PTPN12: variants seen among roughly 807,000 people sequenced by gnomAD.
The protein encoded by PTPN12 is protein tyrosine phosphatase non-receptor type 12, also known as tyrosine-protein phosphatase non-receptor type 12.
In PTPN12, 29 loss-of-function variants were observed where a neutral mutation model predicts 97.6. The ratio of observed to expected loss-of-function variants is 0.30; its 90% CI spans 0.22 to 0.41. PTPN12 has a LOEUF of 0.41. Ranked by LOEUF, PTPN12 falls within the 10% of genes least tolerant of loss-of-function variation. PTPN12 has a pLI of 1.00. For missense variants in PTPN12, 819 were observed against 926.0 expected, an observed-to-expected ratio of 0.88 and a Z score of 1.50; for synonymous variants, 327 against 300.4, an observed-to-expected ratio of 1.09 and a Z score of -0.91.
At chr7:77,546,321 T>G (rs1807218714) in intron 1 of PTPN12, among the ~76,000 whole-genome samples, 1 of 152,242 alleles carries the variant, frequency 6.6e-6, no homozygotes, top group Non-Finnish European at 1.5e-5. Context: ...TTGTAAAGTT[T>G]GATCTTTAAT....
At chr7:77,624,653 C>A (rs1363576026) in intron 12 of PTPN12, among the ~76,000 whole-genome samples, 1 of 149,436 alleles carries the variant, frequency 6.7e-6, no homozygotes. Flanking sequence ...GTTGGTTAGG[C>A]TGGTCTCAAA....
intron 1 of PTPN12, among the ~76,000 whole-genome samples, chr7:77,543,577 A>G (rs538110125): frequency 2.0e-4 from 31 of 152,286 alleles, no homozygotes; most frequent in Middle Eastern, 3.4e-3. Flanking sequence ...TCTATGATTC[A>G]CTAGTTTTTT....
intron 2 of PTPN12, among the ~76,000 whole-genome samples, chr7:77,571,544 T>C (rs1430593054): frequency 6.6e-6 from 1 of 152,208 alleles, no homozygotes; most frequent in African/African-American, 2.4e-5. Flanking sequence ...ATTTTTCATA[T>C]ATCTATACAT....
chr7:77,630,841 A>C (rs1190986740), intron 13 of PTPN12, among the ~76,000 whole-genome samples: 1 of 152,332 alleles, frequency 6.6e-6, no homozygotes, highest in Non-Finnish European at 1.5e-5. Flanking sequence ...AAAATACGCA[A>C]TATCTGGTTG....
chr7:77,580,301 TGAGTGACA>T (rs1164822546), intron 2 of PTPN12, among the ~76,000 whole-genome samples: 1 of 152,222 alleles, frequency 6.6e-6, no homozygotes, highest in African/African-American at 2.4e-5. Flanking sequence ...CACTTCAGCC[TGAGTGACA>T]GAGTGAGACC....
chr7:77,572,876 A>G (rs1282693227), intron 2 of PTPN12, among the ~76,000 whole-genome samples: 1 of 152,104 alleles, frequency 6.6e-6, no homozygotes, highest in Admixed American at 6.6e-5. Context: ...CGAGGTCAGG[A>G]GTTCGCGACC....
At chr7:77,591,028 G>C (rs897121986) in intron 5 of PTPN12, among the ~76,000 whole-genome samples, 2 of 152,122 alleles carry the variant, frequency 1.3e-5, no homozygotes, top group Admixed American at 1.3e-4. Flanking sequence ...GACAAAGTGA[G>C]ACCCTATCTA....
At chr7:77,599,811 T>G (rs1013962359) in intron 7 of PTPN12, among the ~76,000 whole-genome samples, 54 of 152,182 alleles carry the variant, frequency 3.5e-4, no homozygotes, top group Non-Finnish European at 6.6e-4. Flanking sequence ...TTTGCTTAGA[T>G]TCCGAGTATT....
At chr7:77,605,228 T>C (rs529234984) in intron 8 of PTPN12, among the ~76,000 whole-genome samples, 2 of 152,256 alleles carry the variant, frequency 1.3e-5, no homozygotes, top group East Asian at 1.9e-4. Flanking sequence ...AACAAACTGC[T>C]GATAGGTATA....
intron 12 of PTPN12, among the ~76,000 whole-genome samples, chr7:77,625,486 T>C (rs1454735519): frequency 3.2e-5 from 3 of 94,876 alleles, no homozygotes; most frequent in Non-Finnish European, 6.5e-5. Flanking sequence ...TCTCTCTCTC[T>C]CTCTCTCTCT....
chr7:77,613,735 C>T (rs913250447), intron 11 of PTPN12, among the ~76,000 whole-genome samples: 1 of 151,868 alleles, frequency 6.6e-6, no homozygotes, highest in Non-Finnish European at 1.5e-5. Context: ...ACGGGTACAT[C>T]ACCTTGCCGA....
At chr7:77,581,554 C>A in intron 3 of PTPN12, 51 bp downstream of exon 3, 2 of 1,188,536 alleles carry the variant, frequency 1.7e-6, no homozygotes, top group Non-Finnish European at 2.4e-6. Flanking sequence ...TGTCTTTCTA[C>A]ATACTAGTTT....
At chr7:77,552,980 A>G (rs533206648) in intron 1 of PTPN12, among the ~76,000 whole-genome samples, 47 of 152,270 alleles carry the variant, frequency 3.1e-4, no homozygotes, top group Admixed American at 3.0e-3. Flanking sequence ...AGGAGGGGAA[A>G]AAGGCCACCC....
At chr7:77,603,366 A>G (rs541587605) in intron 8 of PTPN12, among the ~76,000 whole-genome samples, 2 of 152,390 alleles carry the variant, frequency 1.3e-5, no homozygotes, top group Non-Finnish European at 2.9e-5. Flanking sequence ...GTAAGGACTT[A>G]GAAAACACAT....
intron 9 of PTPN12, among the ~76,000 whole-genome samples, chr7:77,609,580 G>A (rs1362667314): frequency 1.3e-5 from 2 of 149,910 alleles, no homozygotes; most frequent in Admixed American, 6.7e-5. Flanking sequence ...TAGTTGTTAA[G>A]TCTTCATGTA....
At chr7:77,544,994 TAAG>T (rs1807147589) in intron 1 of PTPN12, among the ~76,000 whole-genome samples, 1 of 152,232 alleles carries the variant, frequency 6.6e-6, no homozygotes, top group South Asian at 2.1e-4. Flanking sequence ...AAATACAAGA[TAAG>T]AGCTACATTG....
chr7:77,574,638 T>A (rs142007097), intron 2 of PTPN12, among the ~76,000 whole-genome samples: 1 of 152,128 alleles, frequency 6.6e-6, no homozygotes, highest in Non-Finnish European at 1.5e-5. Flanking sequence ...CTGCAGTGCA[T>A]AGGATGCAGC....
chr7:77,543,948 G>A lies in PTPN12; in HGVS notation c.99+6303G>A, dbSNP rs570654903. Among the ~76,000 whole-genome samples the A allele has an allele frequency of 9.9e-5, 15 of 152,156 alleles. No individual in the cohort carries two copies. The East Asian group carries it at 2.9e-3, about 29-fold the overall frequency. Reference sequence around the variant, plus strand: ...GTATTTGAATTGTTTCCACTTTTTGGCTAATGTGAATAATGCAGCTATGAA... The same window carrying A: ...GTATTTGAATTGTTTCCACTTTTTGACTAATGTGAATAATGCAGCTATGAA... On this transcript the variant is annotated intron_variant, in intron 1 of 17. Coordinates refer to ENST00000248594, the MANE Select transcript of PTPN12 (RefSeq NM_002835.4).
chr7:77,639,129 C>A, intron 17 of PTPN12, 90 bp from the exon 18 acceptor site: 1 of 1,041,150 alleles, frequency 9.6e-7, no homozygotes, highest in Non-Finnish European at 1.4e-6. Context: ...TTTATTTGTT[C>A]CAGAAAATGA....
Sources: allele counts gnomAD v4.1 joint callset (sites outside exome capture counted in the v4.1 genomes callset), GRCh38; gene constraint gnomAD v4.1.1; transcripts MANE v1.5; gene names NCBI Gene and HGNC (gene_info 2026-07-23, HGNC 2026-07-21).